The following NEMP2 variants were observed in gnomAD, a reference collection of about 807,000 sequenced individuals.
The protein encoded by NEMP2 is UPF0571 transmembrane protein.
Under a neutral mutation model 54.2 loss-of-function variants are expected in NEMP2, and 53 were observed. That is an observed-to-expected ratio of 0.98 (90% CI 0.78 to 1.23). The LOEUF is 1.23. Among genes scored for constraint, NEMP2 ranks in the 50% most tolerant of loss-of-function variants. NEMP2 has a pLI of 0.00. For synonymous variants in NEMP2, 197 were observed against 190.3 expected (o/e 1.04, Z -0.29); for missense variants, 455 against 511.3 (o/e 0.89, Z 1.06).
At chr2:190,593,525 G>A in the NEMP2 span, among the ~76,000 whole-genome samples, 5 of 152,188 alleles carry the variant, frequency 3.3e-5, no homozygotes, top group South Asian at 2.1e-4. This position sits in a 1 kb window ranked among gnomAD's most constrained non-coding sequence, Gnocchi z 4.5. Context: ...TCCCTCAGGA[G>A]ATGACCAAGA....
At chr2:190,474,131 C>G in the NEMP2 span, among the ~76,000 whole-genome samples, 1 of 151,932 alleles carries the variant, frequency 6.6e-6, no homozygotes, top group South Asian at 2.1e-4. Flanking sequence ...CCAAAATTGA[C>G]GCCCTAACAT....
At chr2:190,458,333 C>A in the NEMP2 span, among the ~76,000 whole-genome samples, 4 of 152,090 alleles carry the variant, frequency 2.6e-5, no homozygotes, top group East Asian at 1.9e-4. This position sits in a 1 kb window ranked among gnomAD's most constrained non-coding sequence, Gnocchi z 5.3. Flanking sequence ...GCAGTGTCCT[C>A]GTGAGAAGAG....
chr2:190,478,901 G>A, the NEMP2 span, among the ~76,000 whole-genome samples: 5 of 151,878 alleles, frequency 3.3e-5, no homozygotes, highest in East Asian at 1.9e-4. Context: ...AAAACACCAC[G>A]AGAACTAGTA....
chr2:190,427,310 T>C, the NEMP2 span, among the ~76,000 whole-genome samples: 1 of 152,196 alleles, frequency 6.6e-6, no homozygotes, highest in Non-Finnish European at 1.5e-5. Context: ...CCATTATAGC[T>C]TGGTGAGGGC....
At chr2:190,437,087 T>A in the NEMP2 span, 1 of 1,614,228 alleles carries the variant, frequency 6.2e-7, no homozygotes, top group Non-Finnish European at 8.5e-7. This position sits in a 1 kb window ranked among gnomAD's most constrained non-coding sequence, Gnocchi z 5.9. Flanking sequence ...CACATCGAAG[T>A]GCTCATCGAT....
chr2:190,459,665 G>A, the NEMP2 span, among the ~76,000 whole-genome samples: 1 of 152,170 alleles, frequency 6.6e-6, no homozygotes, highest in Non-Finnish European at 1.5e-5. The surrounding 1 kb of genome is among the most constrained non-coding windows in gnomAD (Gnocchi z 5.3). Context: ...TAACAATGGA[G>A]AGATATAAAC....
At chr2:190,611,875 G>A in the NEMP2 span, among the ~76,000 whole-genome samples, 1 of 152,150 alleles carries the variant, frequency 6.6e-6, no homozygotes, top group Non-Finnish European at 1.5e-5. The surrounding 1 kb of genome is among the most constrained non-coding windows in gnomAD (Gnocchi z 5.4). Flanking sequence ...TTATGTACTA[G>A]GTGTGGAGCC....
At chr2:190,429,547 C>T in the NEMP2 span, among the ~76,000 whole-genome samples, 1 of 151,928 alleles carries the variant, frequency 6.6e-6, no homozygotes, top group Non-Finnish European at 1.5e-5. Flanking sequence ...AGCCTGGTTT[C>T]GAACTCTTGA....
At chr2:190,439,778 T>G in the NEMP2 span, among the ~76,000 whole-genome samples, 29 of 152,260 alleles carry the variant, frequency 1.9e-4, no homozygotes, top group Non-Finnish European at 3.7e-4. This position sits in a 1 kb window ranked among gnomAD's most constrained non-coding sequence, Gnocchi z 5.8. Context: ...TGTGGTCATT[T>G]ACCTGTTTTG....
Position 190,509,001 on chromosome 2 carries a change from A to G in NEMP2, c.*188T>C. 1 of 812,732 alleles carries G rather than the reference A, an allele frequency of 1.2e-6. No homozygotes were observed. Among genetic ancestry groups the G allele is most frequent in the African/African-American group, 1.7e-5 (1 of 57,834 alleles). The allele number at this position is 812,732 out of a possible 1,614,324, so 50.3% of individuals were successfully genotyped here. A position where few individuals can be genotyped will look rare whatever the true frequency, so the allele number is the denominator to read the frequency against. ...GGTATCCACCTACAGTACAATAAGTAGCAGAAGTCACCAAGAATGCTAAGT... is the reference window on the plus strand; with the variant it reads ...GGTATCCACCTACAGTACAATAAGTGGCAGAAGTCACCAAGAATGCTAAGT... On this transcript the variant is annotated 3_prime_UTR_variant, in exon 9 of 9. Transcript: ENST00000409150. The surrounding 1 kb of genome is among the most constrained non-coding windows in gnomAD (Gnocchi z 6.1).
At chr2:190,516,582 A>G (rs927005750) in intron 5 of NEMP2, among the ~76,000 whole-genome samples, 198 bp from the exon 6 acceptor site, 36 of 152,364 alleles carry the variant, frequency 2.4e-4, no homozygotes, top group Middle Eastern at 3.4e-3. Flanking sequence ...CTGGGATGGC[A>G]GAGTCCTAGG....
the NEMP2 span, among the ~76,000 whole-genome samples, chr2:190,612,064 A>G: frequency 1.3e-5 from 2 of 152,098 alleles, no homozygotes; most frequent in Admixed American, 1.3e-4. Flanking sequence ...TTCCTTTCAT[A>G]AATTCCCTTT....
At chr2:190,571,216 C>T in the NEMP2 span, among the ~76,000 whole-genome samples, 1 of 152,174 alleles carries the variant, frequency 6.6e-6, no homozygotes, top group Non-Finnish European at 1.5e-5. Flanking sequence ...TTAAAATAGA[C>T]TTAGCTACTA....
chr2:190,567,906 C>G, the NEMP2 span, among the ~76,000 whole-genome samples: 1 of 152,152 alleles, frequency 6.6e-6, no homozygotes, highest in African/African-American at 2.4e-5. The surrounding 1 kb of genome is among the most constrained non-coding windows in gnomAD (Gnocchi z 4.0). Context: ...CTTGGTCCCC[C>G]AAAGTGCTGG....
At chr2:190,460,780 G>T in the NEMP2 span, among the ~76,000 whole-genome samples, 1 of 152,190 alleles carries the variant, frequency 6.6e-6, no homozygotes, top group Non-Finnish European at 1.5e-5. Flanking sequence ...GATGGTGGCC[G>T]AGTGAGTCCA....
At chr2:190,421,524 C>A in the NEMP2 span, among the ~76,000 whole-genome samples, 1 of 152,054 alleles carries the variant, frequency 6.6e-6, no homozygotes, top group Non-Finnish European at 1.5e-5. Context: ...AAACAGACTT[C>A]TGTGCTCTTT....
At position 190,514,603 on chromosome 2, in the gene NEMP2, C is replaced by T; in HGVS notation, c.803G>A (p.Arg268Lys). ...TCGCAGCATCCACATCAGAAGACTT[C>T]TGCTCCTGTCGTCTGCAAGGGGCCC... ...KHGPLADDRS[R>K]SLLMWMLRLL... is the part of the protein sequence containing the mutation. The change falls in exon 7 of 9, where the codon AGA becomes AAA. Residue 268 changes from arginine to lysine, a missense_variant. Arg to Lys is a conservative substitution (Grantham distance 26). Transcript: ENST00000409150. The surrounding 1 kb of genome is among the most constrained non-coding windows in gnomAD (Gnocchi z 5.7). The T allele has an allele frequency of 6.4e-7, 1 of 1,551,750 alleles. No homozygotes were observed. The highest frequency in any genetic ancestry group is 8.7e-7 in the Non-Finnish European group (1 of 1,147,002).
chr2:190,488,152 C>T, the NEMP2 span, among the ~76,000 whole-genome samples: 3 of 152,218 alleles, frequency 2.0e-5, no homozygotes, highest in African/African-American at 7.2e-5. The surrounding 1 kb of genome is among the most constrained non-coding windows in gnomAD (Gnocchi z 6.4). Context: ...CCACCCGCCT[C>T]GGCCTCCCAA....
the NEMP2 span, among the ~76,000 whole-genome samples, chr2:190,599,447 C>T: frequency 6.6e-6 from 1 of 152,146 alleles, no homozygotes; most frequent in Non-Finnish European, 1.5e-5. Flanking sequence ...GAGTTATGGA[C>T]AAAATATATA....
Sources: allele counts gnomAD v4.1 joint callset (sites outside exome capture counted in the v4.1 genomes callset), GRCh38; gene constraint gnomAD v4.1.1; non-coding constraint Gnocchi (gnomAD v3.1); transcripts MANE v1.5; gene names NCBI Gene and HGNC (gene_info 2026-07-23, HGNC 2026-07-21).